SLC30A5: variants seen among roughly 807,000 people sequenced by gnomAD.
The protein encoded by SLC30A5 is solute carrier family 30 member 5.
In SLC30A5, 33 loss-of-function variants were observed where a neutral mutation model predicts 79.6. The ratio of observed to expected loss-of-function variants is 0.41; its 90% confidence interval spans 0.31 to 0.55. SLC30A5 has a LOEUF of 0.55. Ranked by LOEUF, SLC30A5 falls within the 20% of genes least tolerant of loss-of-function variation. The pLI, the probability that SLC30A5 is intolerant of heterozygous loss-of-function variation, is 0.20. For missense variants in SLC30A5, 788 were observed against 928.1 expected, an observed-to-expected ratio of 0.85 and a Z score of 1.96; for synonymous variants, 299 against 319.7, an observed-to-expected ratio of 0.94 and a Z score of 0.69.
chr5:69,108,236 T>A (rs774734406), intron 4 of SLC30A5, 113 bp from the exon 5 acceptor site: 1 of 786,688 alleles, frequency 1.3e-6, no homozygotes, highest in Non-Finnish European at 2.0e-6. Context: ...TTATTTTTCT[T>A]ATGTTTTGTG....
At chr5:69,108,021 T>C (rs988501776) in intron 4 of SLC30A5, among the ~76,000 whole-genome samples, 13 of 152,300 alleles carry the variant, frequency 8.5e-5, no homozygotes, top group African/African-American at 3.1e-4. Flanking sequence ...TGAGCCACCA[T>C]ACCCAGCCAC....
chr5:69,129,548 T>G lies in SLC30A5; in HGVS notation c.2229T>G (p.His743Gln). 6.2e-7 allele frequency: 1 copy of G among 1,613,594 alleles called. No individual in the cohort carries two copies. The highest frequency in any genetic ancestry group is 8.5e-7 in the Non-Finnish European group (1 of 1,179,798). Residue 743 changes from histidine to glutamine, a missense_variant, in exon 16 of 16, where the codon CAT becomes CAG. Physicochemically the swap from His to Gln is conservative, Grantham distance 24. Around this residue, in one of 3 missense-constraint regions of SLC30A5, gnomAD observed 158 missense variants for 156.2 expected, o/e 1.01. Transcript: ENST00000396591. ...TGTCTGGCCTAAGTACTGGATTTCATGATGTTCTGGCTATGACAAAACAAA... is the reference window on the plus strand; with the variant it reads ...TGTCTGGCCTAAGTACTGGATTTCAGGATGTTCTGGCTATGACAAAACAAA... ...QHMSGLSTGFHDVLAMTKQME... is the reference protein window; with the variant it reads ...QHMSGLSTGFQDVLAMTKQME...
At position 69,130,286 on chromosome 5, in the gene SLC30A5, AATTT is replaced by A. The variant is rs959168714; in HGVS notation, c.*673_*676del. 2.6e-5 allele frequency: 4 copies of A among 152,166 alleles called. No homozygotes were observed. Among genetic ancestry groups the A allele is most frequent in the African/African-American group, 7.2e-5 (3 of 41,452 alleles). 9.4% of individuals were successfully genotyped at this position (152,166 alleles called of 1,614,324 possible). ...TGGTAATATTTGCAAATGAATAATT[AATTT>A]ATTAGGGTAAAGAACTTATACTAAG... is the stretch of plus-strand genomic sequence containing the variant. On this transcript the variant is annotated 3_prime_UTR_variant, in exon 16 of 16. Coordinates refer to ENST00000396591, the MANE Select transcript of SLC30A5 (RefSeq NM_022902.5).
Position 69,094,156 on chromosome 5 carries a change from C to T in SLC30A5, c.-100C>T, listed in dbSNP as rs2111909842. On this transcript the variant is annotated 5_prime_UTR_variant, in exon 1 of 16. Coordinates refer to ENST00000396591, the MANE Select transcript of SLC30A5 (RefSeq NM_022902.5). ...TGCAGGAGCCCGACGGGGTCTCTGCCATGGGGGAGTGACGCGCCTGCACCC... is the reference window on the plus strand; with the variant it reads ...TGCAGGAGCCCGACGGGGTCTCTGCTATGGGGGAGTGACGCGCCTGCACCC... 1.7e-6 allele frequency: 1 copy of T among 598,354 alleles called. No homozygotes were observed. Among genetic ancestry groups the T allele is most frequent in the East Asian group, 3.5e-5 (1 of 28,804 alleles). The allele number at this position is 598,354 out of a possible 1,614,324, so 37.1% of individuals were successfully genotyped here.
In SLC30A5 at chr5:69,106,096, T is replaced by C. The variant is rs939856353; in HGVS notation, c.359+1380T>C. On this transcript the variant is annotated intron_variant, in intron 4 of 15. Transcript: ENST00000396591. ...AAGGGTGAGAAATGTGGAAATGCTT[T>C]GTGAAAAGTCCTTTCCCCTCTCATG... Among the ~76,000 whole-genome samples, 5 of 152,210 alleles carry C rather than the reference T, an allele frequency of 3.3e-5. 1 individual carries two copies. Among genetic ancestry groups the C allele is most frequent in the Admixed American group, 2.6e-4 (4 of 15,274 alleles).
At chr5:69,118,801 CTTTTTTTT>C (rs35781175) in intron 12 of SLC30A5, among the ~76,000 whole-genome samples, 173 bp downstream of exon 12, 1 of 97,322 alleles carries the variant, frequency 1.0e-5, no homozygotes, top group Non-Finnish European at 2.0e-5. Flanking sequence ...TAGAAATTCT[CTTTTTTTT>C]TTTTTTTTTT....
At position 69,116,707 on chromosome 5, in the gene SLC30A5, A is replaced by G. The variant is rs571516367; in HGVS notation, c.1281+105A>G. The G allele has an allele frequency of 2.8e-6, 2 of 724,266 alleles. No homozygotes were observed. The highest frequency in any genetic ancestry group is 3.7e-5 in the Admixed American group (1 of 27,256). 44.9% of individuals were successfully genotyped at this position (724,266 alleles called of 1,614,324 possible). A position where few individuals can be genotyped will look rare whatever the true frequency, so the allele number is the denominator to read the frequency against. ...TTCCCAAATTTCTGATAATAAGATGAGCTAAAATTTAAATTTTTTCTAAGT... is the reference window on the plus strand; with the variant it reads ...TTCCCAAATTTCTGATAATAAGATGGGCTAAAATTTAAATTTTTTCTAAGT... On this transcript the variant is annotated intron_variant, in intron 10 of 15. Transcript: ENST00000396591. This position sits in a 1 kb window ranked among gnomAD's most constrained non-coding sequence, Gnocchi z 4.0.
chr5:69,096,056 G>C (rs1034308906), intron 1 of SLC30A5, among the ~76,000 whole-genome samples: 1 of 152,094 alleles, frequency 6.6e-6, no homozygotes, highest in Non-Finnish European at 1.5e-5. Context: ...GTGACAGAGC[G>C]AGACTCTGTC....
intron 3 of SLC30A5, chr5:69,103,899 G>A (rs1246989670): frequency 7.9e-7 from 1 of 1,261,282 alleles, no homozygotes; most frequent in East Asian, 2.7e-5. Flanking sequence ...CAGAGACCAA[G>A]AACATTTTTT....
At position 69,094,297 on chromosome 5, in the gene SLC30A5, C is replaced by T; in HGVS notation, c.42C>T (p.Gly14=). The part of the protein sequence containing the change: ...KYGGDVLAGP[G]GGGGLGPVDV... ...GCGGGGACGTGCTGGCCGGCCCCGGCGGCGGCGGCGGCCTTGGGCCGGTGG... is the reference window on the plus strand; with the variant it reads ...GCGGGGACGTGCTGGCCGGCCCCGGTGGCGGCGGCGGCCTTGGGCCGGTGG... Residue 14 remains glycine (G), a synonymous_variant, in exon 1 of 16, where the codon GGC becomes GGT. Transcript: ENST00000396591. 7.9e-7 allele frequency: 1 copy of T among 1,259,118 alleles called. No individual in the cohort carries two copies. Among genetic ancestry groups the T allele is most frequent in the Non-Finnish European group, 1.0e-6 (1 of 995,946 alleles). The allele number at this position is 1,259,118 out of a possible 1,614,324, so 78.0% of individuals were successfully genotyped here.
At chr5:69,108,534 G>T (rs916886238) in intron 5 of SLC30A5, 98 bp downstream of exon 5, 1 of 978,082 alleles carries the variant, frequency 1.0e-6, no homozygotes. Context: ...TTAAAAGAAT[G>T]CAGGAGGCTG....
chr5:69,105,420 T>C (rs1005279448), intron 4 of SLC30A5, among the ~76,000 whole-genome samples: 7 of 152,252 alleles, frequency 4.6e-5, no homozygotes, highest in African/African-American at 1.7e-4. Flanking sequence ...AAATGAAGAA[T>C]GTTCTTGGCC....
At chr5:69,115,162 A>G in intron 7 of SLC30A5, 75 bp from the exon 8 acceptor site, 10 of 799,428 alleles carry the variant, frequency 1.3e-5, no homozygotes, top group Middle Eastern at 3.7e-4. Context: ...AAAAAAAAAA[A>G]AAAGATCATG....
At chr5:69,106,555 T>C (rs139658266) in intron 4 of SLC30A5, among the ~76,000 whole-genome samples, 373 of 152,278 alleles carry the variant, frequency 2.4e-3, no homozygotes, top group African/African-American at 8.7e-3. Flanking sequence ...AAAATTTTAA[T>C]CCCAGCACTT....
At chr5:69,107,767 T>C (rs1411302429) in intron 4 of SLC30A5, among the ~76,000 whole-genome samples, 1 of 150,952 alleles carries the variant, frequency 6.6e-6, no homozygotes, top group Non-Finnish European at 1.5e-5. Flanking sequence ...GGAGTCTCAC[T>C]GTGTCACCAG....
At chr5:69,117,831 C>G (rs563362001) in intron 11 of SLC30A5, among the ~76,000 whole-genome samples, 1 of 148,952 alleles carries the variant, frequency 6.7e-6, no homozygotes, top group Non-Finnish European at 1.5e-5. Flanking sequence ...GAGCCAAGAT[C>G]GTGCCACTGC....
intron 5 of SLC30A5, among the ~76,000 whole-genome samples, chr5:69,112,605 C>T (rs1746264002): frequency 6.8e-6 from 1 of 147,926 alleles, no homozygotes; most frequent in Non-Finnish European, 1.5e-5. Context: ...CGAGATCTGT[C>T]TGAAAAAAAA....
intron 15 of SLC30A5, 82 bp downstream of exon 15, chr5:69,128,214 A>T (rs1000604484): frequency 5.9e-6 from 5 of 842,168 alleles, no homozygotes; most frequent in Non-Finnish European, 7.2e-6. Flanking sequence ...ATGGCTCAGT[A>T]GTCATTTACT....
intron 4 of SLC30A5, among the ~76,000 whole-genome samples, chr5:69,107,518 ATGTTCTGTATATAATTG>A (rs1746111918): frequency 7.0e-6 from 1 of 142,832 alleles, no homozygotes; most frequent in African/African-American, 3.1e-5. Flanking sequence ...ATCAAGTCTT[ATGTTCTGTATATAATTG>A]TATGTACTGT....
Sources: allele counts gnomAD v4.1 joint callset (sites outside exome capture counted in the v4.1 genomes callset), GRCh38; gene constraint gnomAD v4.1.1; regional missense constraint gnomAD v4.1.1; non-coding constraint Gnocchi (gnomAD v3.1); transcripts MANE v1.5; gene names NCBI Gene and HGNC (gene_info 2026-07-23, HGNC 2026-07-21).